The following ASTN2 variants were observed in gnomAD, a reference collection of about 807,000 sequenced individuals.
ASTN2 encodes the protein astrotactin-2.
A neutral mutation model predicts 139.8 loss-of-function variants in ASTN2; 54 were observed. That is an observed-to-expected ratio of 0.39 (90% CI 0.31 to 0.48). ASTN2 has a LOEUF of 0.48. Ranked by LOEUF, ASTN2 falls within the 20% of genes least tolerant of loss-of-function variation. ASTN2 has a pLI of 0.95. For synonymous variants in ASTN2, 756 were observed against 719.5 expected (o/e 1.05, Z -0.81); for missense variants, 1,565 against 1,725.1 (o/e 0.91, Z 1.64).
At chr9:116,976,305 T>C (rs894884835) in intron 8 of ASTN2, 117 bp from the exon 9 acceptor site, 7 of 799,118 alleles carry the variant, frequency 8.8e-6, no homozygotes, top group African/African-American at 5.1e-5. Context: ...GAAATAATTA[T>C]TGGGCAAGAC....
At chr9:117,341,247 G>T (rs1829053271) in intron 1 of ASTN2, among the ~76,000 whole-genome samples, 1 of 152,122 alleles carries the variant, frequency 6.6e-6, no homozygotes, top group African/African-American at 2.4e-5. Flanking sequence ...AAATGTTCAT[G>T]AATCAAATCG....
intron 6 of ASTN2, among the ~76,000 whole-genome samples, chr9:117,028,527 C>T (rs1929006): frequency 0.76 from 115,992 of 151,974 alleles, 44,535 homozygotes; most frequent in East Asian, 0.85. Flanking sequence ...ATCAGAGATG[C>T]TCAAGGTCCC....
At chr9:116,734,962 T>G (rs568379303) in intron 13 of ASTN2, among the ~76,000 whole-genome samples, 3 of 152,386 alleles carry the variant, frequency 2.0e-5, no homozygotes, top group South Asian at 4.1e-4. Flanking sequence ...TCATTGAATC[T>G]TTATAATTTG....
intron 19 of ASTN2, among the ~76,000 whole-genome samples, chr9:116,597,442 G>A (rs1409318566): frequency 6.6e-6 from 1 of 151,540 alleles, no homozygotes; most frequent in African/African-American, 2.4e-5. Flanking sequence ...CAAGTAGCGG[G>A]CCACCATGCC....
intron 14 of ASTN2, among the ~76,000 whole-genome samples, chr9:116,732,102 T>C (rs1382559921): frequency 2.6e-5 from 4 of 152,158 alleles, no homozygotes; most frequent in Admixed American, 1.3e-4. Flanking sequence ...TACATCTGGG[T>C]CCCTCTTTGA....
At chr9:116,905,078 C>A (rs1403107650) in intron 10 of ASTN2, among the ~76,000 whole-genome samples, 4 of 152,098 alleles carry the variant, frequency 2.6e-5, no homozygotes, top group Non-Finnish European at 4.4e-5. Flanking sequence ...CTTGTCTCCC[C>A]CTCCTTCCTT....
At position 117,073,143 on chromosome 9, in the gene ASTN2, A is replaced by G. The variant is rs149264510; in HGVS notation, c.1276+22901T>C. Among the ~76,000 whole-genome samples the G allele has an allele frequency of 5.3e-5, 8 of 152,276 alleles. No homozygotes were observed. In the East Asian group the frequency reaches 1.5e-3, roughly 29 times the overall value. ...TGCCGAAATAAAAATGCAGGGTTAG[A>G]TAACTGGTTAGTCGCTCTCCGATGA... On this transcript the variant is annotated intron_variant, in intron 5 of 22. Coordinates refer to ENST00000313400, the MANE Select transcript of ASTN2 (RefSeq NM_001365068.1).
chr9:116,901,734 T>G (rs1424533319), intron 10 of ASTN2, among the ~76,000 whole-genome samples: 1 of 152,226 alleles, frequency 6.6e-6, no homozygotes, highest in Non-Finnish European at 1.5e-5. Context: ...ACTTATATCT[T>G]TTAAAAGTTA....
At chr9:116,580,217 G>T (rs1853894942) in intron 19 of ASTN2, among the ~76,000 whole-genome samples, 1 of 152,186 alleles carries the variant, frequency 6.6e-6, no homozygotes, top group Admixed American at 6.5e-5. Flanking sequence ...AAATACACTG[G>T]ATTAGTTCTC....
intron 19 of ASTN2, among the ~76,000 whole-genome samples, chr9:116,567,500 G>A (rs58037465): frequency 1.3e-5 from 2 of 152,042 alleles, no homozygotes; most frequent in African/African-American, 4.8e-5. Context: ...CTGGGTTCAG[G>A]GGGTGGATAG....
At chr9:116,469,030 C>G (rs1345449888) in intron 20 of ASTN2, among the ~76,000 whole-genome samples, 1 of 152,178 alleles carries the variant, frequency 6.6e-6, no homozygotes, top group Non-Finnish European at 1.5e-5. Flanking sequence ...GGCTGAAAGG[C>G]ATTCTCTCGT....
intron 12 of ASTN2, among the ~76,000 whole-genome samples, chr9:116,809,196 T>C (rs548926942): frequency 2.0e-5 from 3 of 152,208 alleles, no homozygotes; most frequent in Admixed American, 6.5e-5. Flanking sequence ...TATTTCTGTA[T>C]ATTATTGTAG....
chr9:116,482,107 A>G (rs1849188306), intron 20 of ASTN2, among the ~76,000 whole-genome samples: 1 of 152,202 alleles, frequency 6.6e-6, no homozygotes, highest in South Asian at 2.1e-4. Context: ...CAGGCGGATC[A>G]CAAGGTCAAG....
intron 17 of ASTN2, among the ~76,000 whole-genome samples, chr9:116,632,228 A>AGAAAGAAAGAAAGAAG (rs1361631286): frequency 2.3e-4 from 32 of 137,124 alleles, no homozygotes; most frequent in Non-Finnish European, 4.1e-4. Flanking sequence ...AAAGAAAGAA[A>AGAAAGAAAGAAAGAAG]GAAAGAAAGA....
intron 7 of ASTN2, among the ~76,000 whole-genome samples, chr9:116,992,740 G>T (rs769775056): frequency 3.3e-5 from 5 of 152,134 alleles, no homozygotes; most frequent in African/African-American, 7.2e-5. Flanking sequence ...CAACGAGCAG[G>T]TTCCTCAACT....
chr9:117,016,422 G>A (rs528049057), intron 6 of ASTN2, among the ~76,000 whole-genome samples: 11 of 151,520 alleles, frequency 7.3e-5, no homozygotes, highest in South Asian at 2.1e-4. Context: ...ATCAAGAACC[G>A]TCCTGGTGGA....
At position 116,526,381 on chromosome 9, in the gene ASTN2, G is replaced by A. The variant is rs150887496; in HGVS notation, c.3356-38881C>T. On this transcript the variant is annotated intron_variant, in intron 19 of 22. Transcript: ENST00000313400. ...AATCCCAGCACTTTGGGCGGCCAAGGTGGGAGGATCACTTGAGGCCAGGAG... is the reference window on the plus strand; with the variant it reads ...AATCCCAGCACTTTGGGCGGCCAAGATGGGAGGATCACTTGAGGCCAGGAG... Among the ~76,000 whole-genome samples the A allele has an allele frequency of 8.0e-3, 1,215 of 152,254 alleles. 30 individuals are homozygous for A. The highest frequency in any genetic ancestry group is 0.066 in the East Asian group (342 of 5,172).
At chr9:116,804,828 ATGTGTGTGTGTACGTG>A (rs1167429947) in intron 13 of ASTN2, among the ~76,000 whole-genome samples, 9 of 151,920 alleles carry the variant, frequency 5.9e-5, no homozygotes, top group Admixed American at 3.9e-4. Context: ...TAAAAGTATA[ATGTGTGTGTGTACGTG>A]TGTGTGTGTG....
Position 117,141,439 on chromosome 9 carries a change from A to G in ASTN2, c.1055T>C (p.Met352Thr), listed in dbSNP as rs758982548. The change falls in exon 4 of 23, where the codon ATG (methionine) becomes ACG (threonine). Residue 352 changes from methionine to threonine, a missense_variant. Met to Thr is a moderately conservative substitution (Grantham distance 81, BLOSUM62 -1). Coordinates refer to ENST00000313400, the MANE Select transcript of ASTN2 (RefSeq NM_001365068.1). ...EATQETVESL[M>T]QKFKESFRAN... ...GCGGAAACTCTCCTTGAACTTCTGC[A>G]TCAGGGACTCCACTGTCTCCTGAGT... 2 of 1,367,480 alleles carry G rather than the reference A, an allele frequency of 1.5e-6. No homozygotes were observed. The highest frequency in any genetic ancestry group is 1.1e-5 in the South Asian group (1 of 88,044). The allele number at this position is 1,367,480 out of a possible 1,614,324, so 84.7% of individuals were successfully genotyped here.
Sources: gnomAD v4.1 joint callset for allele counts (sites outside exome capture counted in the v4.1 genomes callset) on GRCh38, gnomAD v4.1.1 for gene constraint, MANE v1.5 for transcripts, NCBI Gene and HGNC (gene_info 2026-07-23, HGNC 2026-07-21) for gene names.